Variants in RYR2 observed in about 807,000 individuals in gnomAD.
RYR2 encodes the protein cardiac muscle ryanodine receptor-calcium release channel.
In RYR2, 227 loss-of-function variants were observed where a neutral mutation model predicts 601.1. That is an observed-to-expected ratio of 0.38 (90% confidence interval 0.34 to 0.42). The LOEUF (loss-of-function observed/expected upper bound fraction) is 0.42, where lower values mean the gene tolerates loss of function less well. Ranked by LOEUF, RYR2 falls within the 10% of genes least tolerant of loss-of-function variation. The pLI, the probability that RYR2 is intolerant of heterozygous loss-of-function variation, is 1.00. For missense variants in RYR2, 4,646 were observed against 6,156.5 expected (o/e 0.75, Z 8.21); for synonymous variants, 2,223 against 2,175.1 (o/e 1.02, Z -0.61).
chr1:237,801,701 T>G (rs1229335550), intron 97 of RYR2, among the ~76,000 whole-genome samples, 155 bp from the exon 98 acceptor site: 1 of 152,208 alleles, frequency 6.6e-6, no homozygotes, highest in Admixed American at 6.5e-5. Context: ...CAGAGTTGGC[T>G]CTCAGCTCCT....
intron 1 of RYR2, among the ~76,000 whole-genome samples, chr1:237,185,099 C>A (rs1679207088): frequency 6.6e-6 from 1 of 152,080 alleles, no homozygotes; most frequent in Admixed American, 6.5e-5. Flanking sequence ...CTCCTGGACT[C>A]AAGCAGTTCT....
intron 1 of RYR2, among the ~76,000 whole-genome samples, chr1:237,116,812 C>T (rs980576615): frequency 2.0e-5 from 3 of 152,062 alleles, no homozygotes; most frequent in African/African-American, 7.2e-5. Flanking sequence ...GGGGCAGATT[C>T]CTTCCTCTGC....
At position 237,650,019 on chromosome 1, in the gene RYR2, T is replaced by G. The variant is rs1289681212; in HGVS notation, c.7655T>G (p.Val2552Gly). The change falls in exon 50 of 105, where the codon GTG becomes GGG. Residue 2552 changes from valine to glycine, a missense_variant. Physicochemically the swap from Val to Gly is moderately radical, Grantham distance 109 (BLOSUM62 -3). Coordinates refer to ENST00000366574, the MANE Select transcript of RYR2 (RefSeq NM_001035.3). The part of the protein sequence containing the change: ...ASLIDSLLHT[V>G]YRLSKGCSLT... ...CTCATTGACTCATTACTTCATACTG[T>G]GTATAGACTTTCTAAGGGCTGTTCA... 1 of 1,614,018 alleles carries G rather than the reference T, an allele frequency of 6.2e-7. No homozygotes were observed. Among genetic ancestry groups the G allele is most frequent in the South Asian group, 1.1e-5 (1 of 91,084 alleles).
At chr1:237,731,306 C>T (rs1000516928) in intron 77 of RYR2, among the ~76,000 whole-genome samples, 1 of 151,730 alleles carries the variant, frequency 6.6e-6, no homozygotes, top group African/African-American at 2.4e-5. Context: ...TTGAATTCTG[C>T]CAATAAAAAT....
At chr1:237,817,807 G>A (rs530239567) in intron 100 of RYR2, among the ~76,000 whole-genome samples, 16 of 152,208 alleles carry the variant, frequency 1.1e-4, no homozygotes, top group African/African-American at 3.9e-4. Flanking sequence ...TGGTGTTTCT[G>A]TGTTAAGGCT....
intron 98 of RYR2, among the ~76,000 whole-genome samples, chr1:237,803,327 A>G (rs1003200669): frequency 6.8e-5 from 10 of 147,876 alleles, no homozygotes; most frequent in South Asian, 2.2e-4. Context: ...TTTTTGAGAC[A>G]GAGTCTTGCA....
chr1:237,225,540 G>T (rs1240053664), intron 1 of RYR2, among the ~76,000 whole-genome samples: 1 of 152,164 alleles, frequency 6.6e-6, no homozygotes, highest in Non-Finnish European at 1.5e-5. Flanking sequence ...ATTCAGTTAT[G>T]TGGGTCCCTC....
At chr1:237,151,976 A>T (rs558279090) in intron 1 of RYR2, among the ~76,000 whole-genome samples, 1 of 152,190 alleles carries the variant, frequency 6.6e-6, no homozygotes, top group South Asian at 2.1e-4. Context: ...ACCCACATGC[A>T]TTAGCTATTT....
Position 237,445,480 on chromosome 1 carries a change from G to A in RYR2, c.1250G>A (p.Arg417Gln), listed in dbSNP as rs751428303. Residue 417 changes from arginine (R) to glutamine (Q), a missense_variant, in exon 14 of 105, where the codon CGA (arginine) becomes CAA (glutamine). Arg to Gln is a conservative substitution (Grantham distance 43, BLOSUM62 1). Transcript: ENST00000366574. ...CAGCATGAAGAATCACGCACAGCCC[G>A]AGTTATCCGGAGCACAGTCTTCCTT... ...RSQHEESRTA[R>Q]VIRSTVFLFN... 8.7e-6 allele frequency: 14 copies of A among 1,613,576 alleles called. No individual in the cohort carries two copies. Among genetic ancestry groups the A allele is most frequent in the East Asian group, 4.5e-5 (2 of 44,882 alleles).
chr1:237,798,001 T>C, intron 96 of RYR2, 36 bp from the exon 97 acceptor site: 1 of 1,586,112 alleles, frequency 6.3e-7, no homozygotes, highest in Non-Finnish European at 8.6e-7. Context: ...TACTTAATGG[T>C]TGAAGCCAAC....
chr1:237,056,550 GC>G (rs1662110740), intron 1 of RYR2, among the ~76,000 whole-genome samples: 1 of 43,146 alleles, frequency 2.3e-5, no homozygotes. Flanking sequence ...GAGGATTGGA[GC>G]ACTGCACCTG....
intron 1 of RYR2, among the ~76,000 whole-genome samples, chr1:237,178,449 TGTGTGTGTGTGTGTGTG>T (rs1678318797): frequency 1.3e-5 from 2 of 150,758 alleles, no homozygotes; most frequent in African/African-American, 4.9e-5. Context: ...TGTGTGTGTG[TGTGTGTGTGTGTGTGTG>T]TGTTTAAAAG....
At chr1:237,675,695 G>C (rs915500379) in intron 60 of RYR2, among the ~76,000 whole-genome samples, 1 of 152,078 alleles carries the variant, frequency 6.6e-6, no homozygotes, top group Admixed American at 6.6e-5. Context: ...CTTAGCTGCT[G>C]TTTGTCTTAG....
At chr1:237,044,033 A>G (rs1310464555) in intron 1 of RYR2, among the ~76,000 whole-genome samples, 2 of 152,190 alleles carry the variant, frequency 1.3e-5, no homozygotes, top group Non-Finnish European at 2.9e-5. Context: ...ATCCAGTCTA[A>G]TAGCTGCAGG....
intron 1 of RYR2, among the ~76,000 whole-genome samples, chr1:237,245,792 AT>A (rs1345049149): frequency 6.6e-6 from 1 of 151,828 alleles, no homozygotes; most frequent in African/African-American, 2.4e-5. Context: ...TTTTCTTTTT[AT>A]TTTTTTGAGA....
At chr1:237,043,170 G>A (rs920803489) in intron 1 of RYR2, among the ~76,000 whole-genome samples, 1 of 152,216 alleles carries the variant, frequency 6.6e-6, no homozygotes, top group African/African-American at 2.4e-5. Context: ...CCAAGTCAAG[G>A]TGCTGCGAAA....
chr1:237,342,056 A>C (rs894638919), intron 3 of RYR2, among the ~76,000 whole-genome samples: 1 of 152,206 alleles, frequency 6.6e-6, no homozygotes, highest in African/African-American at 2.4e-5. Context: ...TATTTACAGA[A>C]GGCAATACAA....
intron 1 of RYR2, among the ~76,000 whole-genome samples, chr1:237,199,643 C>G (rs1344041190): frequency 6.6e-6 from 1 of 152,154 alleles, no homozygotes; most frequent in Non-Finnish European, 1.5e-5. Context: ...ATAGGCACAC[C>G]CAGGAGCAAC....
At chr1:237,053,261 G>A (rs906607238) in intron 1 of RYR2, among the ~76,000 whole-genome samples, 1 of 152,192 alleles carries the variant, frequency 6.6e-6, no homozygotes, top group Admixed American at 6.5e-5. Flanking sequence ...CAGCTTACAC[G>A]TCCTGGCTTG....
Sources: gnomAD v4.1 joint callset for allele counts (sites outside exome capture counted in the v4.1 genomes callset) on GRCh38, gnomAD v4.1.1 for gene constraint, MANE v1.5 for transcripts, NCBI Gene and HGNC (gene_info 2026-07-23, HGNC 2026-07-21) for gene names.